The following BNC2 variants were observed in gnomAD, a reference collection of about 807,000 sequenced individuals.
The protein encoded by BNC2 is zinc finger protein basonuclin-2.
A neutral mutation model predicts 76.3 loss-of-function variants in BNC2; 20 were observed. The observed-to-expected ratio is 0.26, with a 90% confidence interval of 0.18 to 0.38. The LOEUF (loss-of-function observed/expected upper bound fraction) is 0.38, where lower values mean the gene tolerates loss of function less well. BNC2 is among the 10% of genes least tolerant of loss of function. The pLI, the probability that BNC2 is intolerant of heterozygous loss-of-function variation, is 1.00. For missense variants in BNC2, 1,382 were observed against 1,399.8 expected, an observed-to-expected ratio of 0.99 and a Z score of 0.20; for synonymous variants, 582 against 514.8, an observed-to-expected ratio of 1.13 and a Z score of -1.77.
chr9:16,668,693 T>C (rs1240294401), intron 3 of BNC2, among the ~76,000 whole-genome samples: 1 of 152,228 alleles, frequency 6.6e-6, no homozygotes, highest in Non-Finnish European at 1.5e-5. Context: ...ATAATTTGGG[T>C]CTGCTGTATT....
chr9:16,806,809 G>A (rs1817925494), intron 1 of BNC2, among the ~76,000 whole-genome samples: 1 of 152,140 alleles, frequency 6.6e-6, no homozygotes, highest in Non-Finnish European at 1.5e-5. Flanking sequence ...GTTTGGCATA[G>A]GTGGAGGAAG....
At chr9:16,430,191 C>T (rs903584441) in intron 6 of BNC2, among the ~76,000 whole-genome samples, 2 of 148,634 alleles carry the variant, frequency 1.3e-5, no homozygotes, top group African/African-American at 5.0e-5. Context: ...AATAGAGTAG[C>T]AGGGAAAAAA....
chr9:16,580,135 C>T (rs963583556), intron 4 of BNC2: 9 of 398,284 alleles, frequency 2.3e-5, no homozygotes, highest in East Asian at 1.4e-4. Context: ...ATTGGAGACA[C>T]GATTTCAGGG....
intron 5 of BNC2, among the ~76,000 whole-genome samples, chr9:16,524,559 G>A (rs1432563027): frequency 6.6e-6 from 1 of 152,000 alleles, no homozygotes; most frequent in Non-Finnish European, 1.5e-5. Context: ...AATATTAGGA[G>A]CTTAAATTAG....
chr9:16,739,321 A>G (rs933806029), intron 1 of BNC2, among the ~76,000 whole-genome samples: 1 of 152,222 alleles, frequency 6.6e-6, no homozygotes, highest in East Asian at 1.9e-4. Context: ...ATCTGGCAAC[A>G]GTATGACAGA....
At chr9:16,608,231 G>A (rs1820437022) in intron 3 of BNC2, among the ~76,000 whole-genome samples, 2 of 152,012 alleles carry the variant, frequency 1.3e-5, no homozygotes, top group African/African-American at 4.8e-5. Context: ...TTCCTCACTT[G>A]TAACAACTGA....
chr9:16,753,855 T>C (rs1380834594), intron 1 of BNC2, among the ~76,000 whole-genome samples: 1 of 93,796 alleles, frequency 1.1e-5, no homozygotes, highest in Non-Finnish European at 2.1e-5. Flanking sequence ...GTGGAGCAGA[T>C]GGGTAGTTAC....
intron 3 of BNC2, among the ~76,000 whole-genome samples, chr9:16,663,703 G>A (rs536370749): frequency 5.9e-5 from 9 of 152,194 alleles, no homozygotes; most frequent in African/African-American, 1.7e-4. Flanking sequence ...GTCCAATAGC[G>A]TCAATTCAAA....
chr9:16,550,339 C>T (rs573001208), intron 5 of BNC2, among the ~76,000 whole-genome samples: 1 of 152,210 alleles, frequency 6.6e-6, no homozygotes, highest in African/African-American at 2.4e-5. Flanking sequence ...CAATGTGGCC[C>T]AGGAAGCCAA....
At chr9:16,629,010 AAAAG>A (rs1443967660) in intron 3 of BNC2, among the ~76,000 whole-genome samples, 3 of 152,338 alleles carry the variant, frequency 2.0e-5, no homozygotes, top group African/African-American at 7.2e-5. Flanking sequence ...TGTTCTGCAA[AAAAG>A]AAATACCTAC....
chr9:16,867,488 T>A (rs1472452768), intron 1 of BNC2: 1 of 152,138 alleles, frequency 6.6e-6, no homozygotes, highest in Non-Finnish European at 1.5e-5. Flanking sequence ...CTCAAACAAG[T>A]GAATGTGAAC....
intron 3 of BNC2, among the ~76,000 whole-genome samples, chr9:16,601,445 G>C (rs572874277): frequency 6.6e-6 from 1 of 152,272 alleles, no homozygotes; most frequent in African/African-American, 2.4e-5. Flanking sequence ...AGGACTTCAG[G>C]GGTAAAGGGA....
At chr9:16,640,133 C>G (rs1821450442) in intron 3 of BNC2, among the ~76,000 whole-genome samples, 1 of 151,976 alleles carries the variant, frequency 6.6e-6, no homozygotes, top group South Asian at 2.1e-4. Flanking sequence ...TGATACACCT[C>G]TGTCCTTAAT....
Position 16,415,156 on chromosome 9 carries a change from A to G in BNC2, c.*3833T>C, listed in dbSNP as rs1312424027. 1 of 152,256 alleles carries G rather than the reference A, an allele frequency of 6.6e-6. No individual in the cohort carries two copies. Among genetic ancestry groups the G allele is most frequent in the Non-Finnish European group, 1.5e-5 (1 of 68,034 alleles). 9.4% of individuals were successfully genotyped at this position (152,256 alleles called of 1,614,324 possible). On this transcript the variant is annotated 3_prime_UTR_variant, in exon 7 of 7. Coordinates refer to ENST00000380672, the MANE Select transcript of BNC2 (RefSeq NM_017637.6). ...CAGGCTGAACAGGGCAGCTGGACTA[A>G]GATCTGGAATGAGTTACATTGGGTT...
rs368630240 is a variant in BNC2, at chr9:16,576,820, C to G, written c.433+6163G>C. Reference sequence around the variant, plus strand: ...TGGCACAATCTCGGCTCACTGCAACCTCCACCTCCTGGGTTTAAGCGATTC... The same window carrying G: ...TGGCACAATCTCGGCTCACTGCAACGTCCACCTCCTGGGTTTAAGCGATTC... On this transcript the variant is annotated intron_variant, in intron 4 of 6. Coordinates refer to ENST00000380672, the MANE Select transcript of BNC2 (RefSeq NM_017637.6). Among the ~76,000 whole-genome samples, 12 of 152,332 alleles carry G rather than the reference C, an allele frequency of 7.9e-5. No individual in the cohort carries two copies. In the East Asian group the frequency reaches 2.1e-3, roughly 27 times the overall value.
At chr9:16,658,982 T>C (rs764007242) in intron 3 of BNC2, among the ~76,000 whole-genome samples, 6 of 152,234 alleles carry the variant, frequency 3.9e-5, no homozygotes, top group Non-Finnish European at 8.8e-5. Context: ...CCATTGATCA[T>C]CGCAACTGTC....
chr9:16,474,742 T>G (rs1253281807), intron 5 of BNC2, among the ~76,000 whole-genome samples: 1 of 152,160 alleles, frequency 6.6e-6, no homozygotes, highest in South Asian at 2.1e-4. Context: ...AAAAATCAAA[T>G]TGGTAGAATG....
chr9:16,719,433 G>A (rs1156648125), intron 3 of BNC2, among the ~76,000 whole-genome samples: 1 of 152,094 alleles, frequency 6.6e-6, no homozygotes, highest in African/African-American at 2.4e-5. Flanking sequence ...GCAATTACTT[G>A]TTGTCATGTA....
At chr9:16,740,861 C>A (rs1290662575) in intron 1 of BNC2, among the ~76,000 whole-genome samples, 1 of 150,060 alleles carries the variant, frequency 6.7e-6, no homozygotes, top group East Asian at 1.9e-4. Flanking sequence ...AAAAAAGAAA[C>A]CCTTTTTTTC....
Sources: allele counts gnomAD v4.1 joint callset (sites outside exome capture counted in the v4.1 genomes callset), GRCh38; gene constraint gnomAD v4.1.1; transcripts MANE v1.5; gene names NCBI Gene and HGNC (gene_info 2026-07-23, HGNC 2026-07-21).